Variants in RBM19 observed in about 807,000 individuals in gnomAD.
RBM19 encodes the protein probable RNA-binding protein 19.
Under a neutral mutation model 116.8 loss-of-function variants are expected in RBM19, and 94 were observed. The observed-to-expected ratio is 0.80, with a 90% CI of 0.68 to 0.95. RBM19 has a LOEUF of 0.95. Among genes scored for constraint, RBM19 ranks in the 40% least tolerant of loss-of-function variants. The probability of loss-of-function intolerance (pLI) is 0.00; values close to 1 mark genes in which losing one functional copy is unlikely to be tolerated. For synonymous variants in RBM19, 475 were observed against 494.1 expected (o/e 0.96, Z 0.51); for missense variants, 1,161 against 1,220.7 (o/e 0.95, Z 0.73).
At position 113,952,526 on chromosome 12, in the gene RBM19, T is replaced by A; in HGVS notation, c.986A>T (p.His329Leu). ...CTGGATCTTACCTGTTTTATTCCCA[T>A]GAGCGTTTCTCACAATTCGAATGGC... ...PVAIRIVRNA[H>L]GNKTGYIFVD... The change falls in exon 8 of 24, where the codon CAT becomes CTT. Residue 329 changes from histidine to leucine, a missense_variant. By Grantham distance (99) the His-to-Leu change is moderately conservative. Transcript: ENST00000261741. 1 of 1,613,798 alleles carries A rather than the reference T, an allele frequency of 6.2e-7. No individual in the cohort carries two copies. The highest frequency in any genetic ancestry group is 1.1e-5 in the South Asian group (1 of 91,044).
chr12:113,836,560 CAG>C (rs1555229541), intron 23 of RBM19, among the ~76,000 whole-genome samples: 1 of 152,054 alleles, frequency 6.6e-6, no homozygotes, highest in Non-Finnish European at 1.5e-5. Context: ...CCTGGATAAG[CAG>C]AGAGCTCGAG....
At chr12:113,854,938 G>A (rs547451021) in intron 22 of RBM19, among the ~76,000 whole-genome samples, 3 of 152,326 alleles carry the variant, frequency 2.0e-5, no homozygotes, top group South Asian at 2.1e-4. Flanking sequence ...GCGCGCTCGC[G>A]GGAGCCTCTT....
At chr12:113,941,257 C>T (rs996623309) in intron 14 of RBM19, among the ~76,000 whole-genome samples, 7 of 152,150 alleles carry the variant, frequency 4.6e-5, no homozygotes, top group Non-Finnish European at 1.0e-4. Context: ...GTGGGAAAGG[C>T]TGGGCACCTG....
At chr12:113,886,867 G>A (rs959632359) in intron 21 of RBM19, among the ~76,000 whole-genome samples, 1 of 152,108 alleles carries the variant, frequency 6.6e-6, no homozygotes, top group Non-Finnish European at 1.5e-5. Context: ...AAGGACAGAC[G>A]GGTCTGGGTG....
At position 113,957,740 on chromosome 12, in the gene RBM19, G is replaced by A. The variant is rs749037351; in HGVS notation, c.840+42C>T. ...CTGTGGGGACCACGGGCAAGCAGGA[G>A]AGCGCACCTCCTCCCTCATCACCTG... On this transcript the variant is annotated intron_variant, in intron 6 of 23. Transcript: ENST00000261741. 6.5e-5 allele frequency: 99 copies of A among 1,527,466 alleles called. 1 individual carries two copies. Among genetic ancestry groups the A allele is most frequent in the Non-Finnish European group, 4.1e-5 (47 of 1,138,236 alleles). The allele number at this position is 1,527,466 out of a possible 1,614,324, so 94.6% of individuals were successfully genotyped here.
At chr12:113,946,724 G>A (rs963303062) in intron 11 of RBM19, among the ~76,000 whole-genome samples, 6 of 152,076 alleles carry the variant, frequency 3.9e-5, no homozygotes, top group African/African-American at 7.2e-5. Context: ...CCCCGCACCC[G>A]CAGCCCTCTC....
intron 18 of RBM19, among the ~76,000 whole-genome samples, chr12:113,923,245 G>A (rs2135870426): frequency 6.6e-6 from 1 of 152,276 alleles, no homozygotes; most frequent in Non-Finnish European, 1.5e-5. Flanking sequence ...CATGGGATGG[G>A]CATATAGAAG....
At chr12:113,913,352 T>C (rs752804618) in intron 21 of RBM19, among the ~76,000 whole-genome samples, 2 of 152,002 alleles carry the variant, frequency 1.3e-5, no homozygotes, top group Non-Finnish European at 2.9e-5. Flanking sequence ...GACTGATCAG[T>C]CGAGGTTTAG....
chr12:113,964,879 T>C (rs1872744418), intron 1 of RBM19, among the ~76,000 whole-genome samples: 1 of 151,968 alleles, frequency 6.6e-6, no homozygotes, highest in Non-Finnish European at 1.5e-5. Context: ...TATACACTAC[T>C]ATACTGTTTG....
At chr12:113,882,252 G>A (rs1052105082) in intron 21 of RBM19, among the ~76,000 whole-genome samples, 2 of 152,192 alleles carry the variant, frequency 1.3e-5, no homozygotes, top group Non-Finnish European at 2.9e-5. Flanking sequence ...GGCACCAGGT[G>A]TCTTAAGGAG....
At chr12:113,841,510 G>A (rs1035166997) in intron 23 of RBM19, among the ~76,000 whole-genome samples, 2 of 145,652 alleles carry the variant, frequency 1.4e-5, no homozygotes, top group African/African-American at 2.5e-5. Context: ...TGCAACCTCC[G>A]CGTCCCGGGT....
At chr12:113,872,601 C>T (rs1249395091) in intron 21 of RBM19, among the ~76,000 whole-genome samples, 5 of 106,978 alleles carry the variant, frequency 4.7e-5, no homozygotes, top group African/African-American at 6.6e-5. Context: ...CCCGGCCAGC[C>T]GCCCCGTCCG....
chr12:113,854,262 G>A (rs777937699), intron 22 of RBM19, among the ~76,000 whole-genome samples: 2 of 152,064 alleles, frequency 1.3e-5, no homozygotes, highest in African/African-American at 4.8e-5. Context: ...TGCCAAAGAC[G>A]GGCTTCCAGA....
At chr12:113,934,952 T>C (rs944561689) in intron 16 of RBM19, among the ~76,000 whole-genome samples, 1 of 152,180 alleles carries the variant, frequency 6.6e-6, no homozygotes, top group Non-Finnish European at 1.5e-5. Flanking sequence ...AGCTTCCCTA[T>C]GCCTGGGCCC....
Position 113,942,363 on chromosome 12 carries a change from A to G in RBM19, c.1698T>C (p.Phe566=), listed in dbSNP as rs1208097909. The change falls in exon 14 of 24, where the codon TTT becomes TTC. Residue 566 remains phenylalanine, a synonymous_variant. Coordinates refer to ENST00000261741, the MANE Select transcript of RBM19 (RefSeq NM_016196.4). ...ETQLVQEVRR[F]LIDNGVSLDS... ...CCAGGCTGACCCCGTTGTCTATGAG[A>G]AAACGCCGCACTTCCTGGACGAGCT... The G allele has an allele frequency of 1.2e-6, 2 of 1,608,474 alleles. No individual in the cohort carries two copies. The highest frequency in any genetic ancestry group is 2.2e-5 in the East Asian group (1 of 44,770).
At chr12:113,936,289 G>A (rs12307980) in intron 16 of RBM19, among the ~76,000 whole-genome samples, 24,253 of 152,172 alleles carry the variant, frequency 0.16, 2,571 homozygotes, top group African/African-American at 0.3. Flanking sequence ...CCATGGTCCT[G>A]TTGGTCTTGG....
rs1390629594 is a variant in RBM19, at chr12:113,958,050, T to C, written c.572A>G (p.Glu191Gly). Residue 191 changes from glutamate to glycine, a missense_variant and splice_region_variant, in exon 6 of 24, where the codon GAA becomes GGA. By Grantham distance (98) the Glu-to-Gly change is moderately conservative. Transcript: ENST00000261741. ...TGCCTTTGGTTCGAGGCTTGCCTCT[T>C]CTGGAAAAACAGGGAAGCTGGGATC... ...EEEGAGEDLE[E>G]EASLEPKAAV... is the part of the protein sequence containing the mutation. 2.5e-6 allele frequency: 4 copies of C among 1,604,962 alleles called. No homozygotes were observed. The Admixed American group carries it at 6.9e-5, about 28-fold the overall frequency.
intron 13 of RBM19, among the ~76,000 whole-genome samples, chr12:113,944,087 A>G (rs1361620136): frequency 1.9e-5 from 2 of 105,754 alleles, no homozygotes; most frequent in African/African-American, 8.4e-5. Flanking sequence ...CTAACTCCAG[A>G]TGCATGTTTT....
chr12:113,941,270 G>A (rs1460807162), intron 14 of RBM19, among the ~76,000 whole-genome samples: 2 of 152,034 alleles, frequency 1.3e-5, no homozygotes, highest in African/African-American at 4.8e-5. Context: ...GGCACCTGTG[G>A]GCCTTTTAGG....
Sources: gnomAD v4.1 joint callset for allele counts (sites outside exome capture counted in the v4.1 genomes callset) on GRCh38, gnomAD v4.1.1 for gene constraint, MANE v1.5 for transcripts, NCBI Gene and HGNC (gene_info 2026-07-23, HGNC 2026-07-21) for gene names.